Variants in FHIT observed in about 807,000 individuals in gnomAD.
FHIT encodes bis(5'-adenosyl)-triphosphatase.
FHIT carries 19 observed loss-of-function variants against 17.9 expected under a neutral mutation model. The observed-to-expected ratio is 1.06, with a 90% CI of 0.74 to 1.56. The LOEUF (loss-of-function observed/expected upper bound fraction) is 1.56. Ranked by LOEUF, FHIT falls within the 40% of genes most tolerant of loss-of-function variation. FHIT has a pLI of 0.00. For missense variants in FHIT, 248 were observed against 189.2 expected (o/e 1.31, Z -1.82); for synonymous variants, 81 against 69.7 (o/e 1.16, Z -0.81).
At chr3:59,973,892 C>G (rs979614924) in intron 7 of FHIT, among the ~76,000 whole-genome samples, 1 of 151,790 alleles carries the variant, frequency 6.6e-6, no homozygotes, top group Non-Finnish European at 1.5e-5. Flanking sequence ...CCTATTTCTT[C>G]TTGTGGTACT....
At chr3:60,417,689 C>T (rs574963435) in intron 5 of FHIT, among the ~76,000 whole-genome samples, 21 of 152,224 alleles carry the variant, frequency 1.4e-4, no homozygotes, top group Non-Finnish European at 2.1e-4. Flanking sequence ...TCAGAATGTT[C>T]CCGGGGCTCT....
At chr3:60,770,799 G>C (rs1700019049) in intron 4 of FHIT, among the ~76,000 whole-genome samples, 2 of 152,166 alleles carry the variant, frequency 1.3e-5, no homozygotes, top group Non-Finnish European at 2.9e-5. Flanking sequence ...CAAAAGCTTA[G>C]CCTCAAGCTT....
chr3:60,460,148 A>G (rs767408783), intron 5 of FHIT, among the ~76,000 whole-genome samples: 1 of 152,144 alleles, frequency 6.6e-6, no homozygotes. Context: ...TTCAACAAAT[A>G]TGTCTATCAA....
At chr3:60,979,048 T>G (rs1559883034) in intron 3 of FHIT, among the ~76,000 whole-genome samples, 1 of 152,252 alleles carries the variant, frequency 6.6e-6, no homozygotes, top group Non-Finnish European at 1.5e-5. Context: ...GAGGAAAATT[T>G]GAAAATATTT....
intron 5 of FHIT, among the ~76,000 whole-genome samples, chr3:60,178,288 A>G (rs1359397722): frequency 6.6e-6 from 1 of 152,076 alleles, no homozygotes; most frequent in African/African-American, 2.4e-5. Flanking sequence ...TATCATTATT[A>G]TAAAGAAGCG....
intron 9 of FHIT, chr3:59,750,069 G>GGGTAAATATCTTTC (rs1398594558): frequency 2.2e-5 from 5 of 225,204 alleles, no homozygotes; most frequent in Non-Finnish European, 4.4e-5. Context: ...TAACAAGTTA[G>GGGTAAATATCTTTC]GGTAAATATC....
intron 4 of FHIT, among the ~76,000 whole-genome samples, chr3:60,772,928 C>A (rs1700094064): frequency 6.6e-6 from 1 of 152,158 alleles, no homozygotes; most frequent in African/African-American, 2.4e-5. Context: ...CCAACCCAGC[C>A]AATCGGCAGC....
intron 4 of FHIT, among the ~76,000 whole-genome samples, chr3:60,714,410 C>T (rs28768455): frequency 0.84 from 127,965 of 151,834 alleles, 55,681 homozygotes; most frequent in East Asian, 1. Flanking sequence ...TCCTATTCAA[C>T]ATAGTGTTGG....
intron 5 of FHIT, among the ~76,000 whole-genome samples, chr3:60,088,464 C>G (rs1468617641): frequency 6.6e-6 from 1 of 152,200 alleles, no homozygotes; most frequent in Non-Finnish European, 1.5e-5. Flanking sequence ...TACCTTCATG[C>G]ATAAAGTGCT....
intron 7 of FHIT, among the ~76,000 whole-genome samples, chr3:59,963,646 T>C (rs959856678): frequency 6.6e-6 from 1 of 152,184 alleles, no homozygotes; most frequent in Non-Finnish European, 1.5e-5. Context: ...TCCTAAAAAT[T>C]AAGTAACTAA....
chr3:60,246,384 G>A (rs889251285), intron 5 of FHIT, among the ~76,000 whole-genome samples: 1 of 151,688 alleles, frequency 6.6e-6, no homozygotes, highest in Non-Finnish European at 1.5e-5. Context: ...GAAGGGGAAG[G>A]GTCTCTCTTT....
At position 59,950,471 on chromosome 3, in the gene FHIT, A is replaced by G. The variant is rs78392064; in HGVS notation, c.280-28057T>C. On this transcript the variant is annotated intron_variant, in intron 7 of 9. Coordinates refer to ENST00000492590, the MANE Select transcript of FHIT (RefSeq NM_002012.4). ...AAGCCTTTCCATGACCGATCCTCCA[A>G]TTGAAACTATCACTCACTCCCCTCT... Among the ~76,000 whole-genome samples, 14 of 152,284 alleles carry G rather than the reference A, an allele frequency of 9.2e-5. No homozygotes were observed. In the South Asian group the frequency reaches 1.0e-3, roughly 11 times the overall value.
chr3:61,177,123 G>A (rs2038181666), intron 2 of FHIT, among the ~76,000 whole-genome samples: 2 of 151,088 alleles, frequency 1.3e-5, no homozygotes, highest in Admixed American at 1.3e-4. Flanking sequence ...CTTGCAGTGA[G>A]CCGAGATTGC....
chr3:60,428,359 A>G (rs1446337654), intron 5 of FHIT, among the ~76,000 whole-genome samples: 1 of 152,106 alleles, frequency 6.6e-6, no homozygotes, highest in African/African-American at 2.4e-5. Context: ...TGGCAATAGG[A>G]CCCATTTCCC....
intron 7 of FHIT, among the ~76,000 whole-genome samples, chr3:59,934,679 T>A (rs149769530): frequency 1.3e-5 from 2 of 152,078 alleles, no homozygotes; most frequent in Non-Finnish European, 2.9e-5. Context: ...TCAGGAAACT[T>A]ACAATCATGG....
intron 3 of FHIT, among the ~76,000 whole-genome samples, chr3:61,016,803 T>C (rs2032134565): frequency 6.6e-6 from 1 of 152,222 alleles, no homozygotes; most frequent in African/African-American, 2.4e-5. Context: ...GGCAAATTCA[T>C]GTGAAGCATA....
chr3:59,768,193 T>C (rs772644281), intron 8 of FHIT, among the ~76,000 whole-genome samples: 23 of 152,186 alleles, frequency 1.5e-4, no homozygotes, highest in Non-Finnish European at 3.1e-4. Flanking sequence ...GTTCTCTTAT[T>C]TAAAAAGCAG....
At chr3:61,065,805 A>C (rs1290836428) in intron 2 of FHIT, among the ~76,000 whole-genome samples, 1 of 152,000 alleles carries the variant, frequency 6.6e-6, no homozygotes, top group East Asian at 1.9e-4. Flanking sequence ...TTATTCTCTC[A>C]TTTAACAAGT....
intron 8 of FHIT, among the ~76,000 whole-genome samples, chr3:59,807,502 A>T (rs1700249745): frequency 6.6e-6 from 1 of 152,100 alleles, no homozygotes. Context: ...GAAGAAACTG[A>T]GGCTGAATGA....
Sources: allele counts gnomAD v4.1 joint callset (sites outside exome capture counted in the v4.1 genomes callset), GRCh38; gene constraint gnomAD v4.1.1; transcripts MANE v1.5; gene names NCBI Gene and HGNC (gene_info 2026-07-23, HGNC 2026-07-21).